Variants in SYVN1 observed in about 807,000 individuals in gnomAD.
SYVN1 encodes the protein synoviolin 1.
SYVN1 carries 17 observed loss-of-function variants against 62.6 expected under a neutral mutation model. The observed-to-expected ratio is 0.27, with a 90% CI of 0.19 to 0.41. The LOEUF (loss-of-function observed/expected upper bound fraction) is 0.41, where lower values mean the gene tolerates loss of function less well. SYVN1 is among the 10% of genes least tolerant of loss of function. SYVN1 has a pLI of 1.00. For synonymous variants in SYVN1, 316 were observed against 304.0 expected, an observed-to-expected ratio of 1.04 and a Z score of -0.41; for missense variants, 634 against 818.0, an observed-to-expected ratio of 0.78 and a Z score of 2.74.
chr11:65,128,124 A>G lies in SYVN1; in HGVS notation c.*258T>C. The stretch of plus-strand genomic sequence containing the variant: ...CTCAGAGGCTAAACCTTCTGCCTTC[A>G]TGGCCCCAGCAGAACACAGGGCTGA... On this transcript the variant is annotated 3_prime_UTR_variant, in exon 16 of 16. Coordinates refer to ENST00000377190, the MANE Select transcript of SYVN1 (RefSeq NM_172230.3). 1.7e-6 allele frequency: 1 copy of G among 576,884 alleles called. No individual in the cohort carries two copies. The highest frequency in any genetic ancestry group is 2.1e-5 in the South Asian group (1 of 47,190). 35.7% of individuals were successfully genotyped at this position (576,884 alleles called of 1,614,324 possible).
Position 65,129,776 on chromosome 11 carries a change from G to A in SYVN1, c.1548C>T (p.Ala516=), listed in dbSNP as rs1948150049. ...SLRNIHTLLD[A]AMLQINQYLT... is the part of the protein sequence containing the mutation. ...GGTACTGGTTGATCTGCAGCATGGC[G>A]GCGTCCAGCAGTGTGTGGATGTTAC... is the stretch of plus-strand genomic sequence containing the variant. The change falls in exon 14 of 16, where the codon GCC becomes GCT. Residue 516 remains alanine (A), a synonymous_variant. Coordinates refer to ENST00000377190, the MANE Select transcript of SYVN1 (RefSeq NM_172230.3). 4 of 1,614,262 alleles carry A rather than the reference G, an allele frequency of 2.5e-6. No individual in the cohort carries two copies. The highest frequency in any genetic ancestry group is 1.7e-5 in the Admixed American group (1 of 60,034).
Position 65,132,742 on chromosome 11 carries a change from G to A in SYVN1, c.417C>T (p.Cys139=). 3.1e-6 allele frequency: 5 copies of A among 1,614,078 alleles called. No individual in the cohort carries two copies. The highest frequency in any genetic ancestry group is 4.2e-6 in the Non-Finnish European group (5 of 1,179,998). Residue 139 remains cysteine (C), a synonymous_variant, in exon 5 of 16, where the codon TGC becomes TGT. Transcript: ENST00000377190. ...RSPNISWLFH[C]RIVSLMFLLG... ...CTGAATCTCACTCACAGACAATGCG[G>A]CAGTGAAAGAGCCAGGAGATGTTGG...
intron 8 of SYVN1, 21 bp downstream of exon 8, chr11:65,131,252 CG>C (rs1565347209): frequency 1.9e-6 from 3 of 1,613,736 alleles, no homozygotes; most frequent in East Asian, 2.2e-5. Flanking sequence ...TCAGGAGGAT[CG>C]GGGGACAGGG....
At position 65,129,979 on chromosome 11, in the gene SYVN1, ACCCAGAGAGTGG is replaced by A; in HGVS notation, c.1408+11_1408+22del. 1 of 1,598,212 alleles carries A rather than the reference ACCCAGAGAGTGG, an allele frequency of 6.3e-7. No homozygotes were observed. The highest frequency in any genetic ancestry group is 1.1e-5 in the South Asian group (1 of 89,706). On this transcript the variant is annotated intron_variant, in intron 13 of 15. Transcript: ENST00000377190. ...GACACCAACCTCACCCCCAAGAAGA[ACCCAGAGAGTGG>A]CCCAGCTTACCAAAGGGTGGAGGCA...
chr11:65,132,380 G>C (rs767391884), intron 5 of SYVN1, 29 bp from the exon 6 acceptor site: 5 of 1,500,706 alleles, frequency 3.3e-6, no homozygotes, highest in African/African-American at 1.4e-5. Context: ...ATGCAGGGTG[G>C]GGGGGTCAGC....
chr11:65,131,041 T>A lies in SYVN1; in HGVS notation c.825-5A>T, dbSNP rs540720194. The A allele has an allele frequency of 1.3e-5, 21 of 1,614,090 alleles. No individual in the cohort carries two copies. The African/African-American group carries it at 2.1e-4, about 16-fold the overall frequency. On this transcript the variant is annotated splice_region_variant and splice_polypyrimidine_tract_variant and intron_variant, in intron 9 of 15. Coordinates refer to ENST00000377190, the MANE Select transcript of SYVN1 (RefSeq NM_172230.3). ...TCTGGGGTGGCATCTGGATACCTGG[T>A]TAGGATGACAGGGGCTGTATCAGGT...
chr11:65,129,513 G>C (rs1053223838), intron 14 of SYVN1: 1 of 511,782 alleles, frequency 2.0e-6, no homozygotes, highest in Non-Finnish European at 3.5e-6. Flanking sequence ...GTCAGCTCTC[G>C]AATAAACATC....
At chr11:65,129,064 G>A in intron 14 of SYVN1, 1 of 236,768 alleles carries the variant, frequency 4.2e-6, no homozygotes, top group Non-Finnish European at 8.2e-6. Flanking sequence ...AGCCTGTGCT[G>A]TCACTGCTAG....
rs1351462194 is a variant in SYVN1, at chr11:65,133,242, A to G, written c.143T>C (p.Ile48Thr). 4 of 1,614,080 alleles carry G rather than the reference A, an allele frequency of 2.5e-6. No individual in the cohort carries two copies. Among genetic ancestry groups the G allele is most frequent in the Non-Finnish European group, 1.7e-6 (2 of 1,180,040 alleles). Residue 48 changes from isoleucine (I) to threonine (T), a missense_variant, in exon 3 of 16, where the codon ATC becomes ACC. Physicochemically the swap from Ile to Thr is moderately conservative, Grantham distance 89. Transcript: ENST00000377190. ...AAGGAAGACAAGGACAAAGGCCTGG[A>G]TGTACAGGACCTAGGAGTGGGGAGA... ...KSSPSMAVLY[I>T]QAFVLVFLLG...
chr11:65,128,017 T>C lies in SYVN1; in HGVS notation c.*365A>G. The C allele has an allele frequency of 2.7e-6, 1 of 368,902 alleles. No individual in the cohort carries two copies. Among genetic ancestry groups the C allele is most frequent in the Non-Finnish European group, 5.0e-6 (1 of 198,752 alleles). 22.9% of individuals were successfully genotyped at this position (368,902 alleles called of 1,614,324 possible). ...AACGGGAGCTAATACTGTTCGGCAC[T>C]GCAGTGTGACTCCGCACATACAAGT... On this transcript the variant is annotated 3_prime_UTR_variant, in exon 16 of 16. Transcript: ENST00000377190.
At chr11:65,132,138 C>T (rs747862303) in intron 6 of SYVN1, 110 bp downstream of exon 6, 5 of 842,882 alleles carry the variant, frequency 5.9e-6, no homozygotes, top group Non-Finnish European at 8.2e-6. Context: ...CCTTGGTGGC[C>T]AGCACAGGTT....
intron 5 of SYVN1, 93 bp downstream of exon 5, chr11:65,132,639 C>T (rs750270764): frequency 7.9e-6 from 11 of 1,390,748 alleles, no homozygotes; most frequent in Non-Finnish European, 1.1e-5. Context: ...AATTATCTTT[C>T]CTGTACAGCT....
At chr11:65,133,420 C>A (rs780939043) in intron 2 of SYVN1, 50 bp downstream of exon 2, 3 of 1,604,034 alleles carry the variant, frequency 1.9e-6, no homozygotes, top group Non-Finnish European at 2.6e-6. Context: ...CCCAGGCAGA[C>A]TCCTCCTTCC....
In SYVN1 at chr11:65,128,210, CA is replaced by C; in HGVS notation, c.*171del. The C allele has an allele frequency of 1.6e-6, 1 of 620,970 alleles. No homozygotes were observed. The highest frequency in any genetic ancestry group is 2.8e-6 in the Non-Finnish European group (1 of 353,078). 38.5% of individuals were successfully genotyped at this position (620,970 alleles called of 1,614,324 possible). On this transcript the variant is annotated 3_prime_UTR_variant, in exon 16 of 16. Transcript: ENST00000377190. ...CCCCATGGCTGCCTGGGACTGGAGT[CA>C]AATGGGAACCCCAGCCTCTTTCCAC...
Position 65,127,489 on chromosome 11 carries a change from C to T in SYVN1, c.*893G>A. On this transcript the variant is annotated 3_prime_UTR_variant, in exon 16 of 16. Transcript: ENST00000377190. ...TAAACTGGAAAGACCAGGAGTCTGG[C>T]ACTCCTGTTCCTCTTTCCCGGGATT... The T allele has an allele frequency of 6.2e-6, 1 of 160,572 alleles. No individual in the cohort carries two copies. The highest frequency in any genetic ancestry group is 1.4e-5 in the Non-Finnish European group (1 of 73,854). 9.9% of individuals were successfully genotyped at this position (160,572 alleles called of 1,614,324 possible).
chr11:65,132,367 C>A lies in SYVN1; in HGVS notation c.428-16G>T. The A allele has an allele frequency of 6.3e-7, 1 of 1,585,810 alleles. No homozygotes were observed. Among genetic ancestry groups the A allele is most frequent in the African/African-American group, 1.3e-5 (1 of 74,384 alleles). The stretch of plus-strand genomic sequence containing the variant: ...AACATAAGAGCTGTGGGGACCCCCA[C>A]ACATGCAGGGTGGGGGGGTCAGCCC... On this transcript the variant is annotated splice_polypyrimidine_tract_variant and intron_variant, in intron 5 of 15. Transcript: ENST00000377190.
chr11:65,129,897 A>G lies in SYVN1; in HGVS notation c.1427T>C (p.Val476Ala). ...PPPFAFPPMP[V>A]PPAGFAGLTP... is the part of the protein sequence containing the mutation. Reference sequence around the variant, plus strand: ...CAGCCCAGCAAAGCCCGCAGGGGGCACAGGCATTGGGGGGAAGGCTGGAGA... The same window carrying G: ...CAGCCCAGCAAAGCCCGCAGGGGGCGCAGGCATTGGGGGGAAGGCTGGAGA... Residue 476 changes from valine to alanine, a missense_variant, in exon 14 of 16, where the codon GTG becomes GCG. Val to Ala is a moderately conservative substitution (Grantham distance 64). Around this residue, in one of 2 missense-constraint regions of SYVN1, gnomAD observed 351 missense variants for 373.3 expected, o/e 0.94. Coordinates refer to ENST00000377190, the MANE Select transcript of SYVN1 (RefSeq NM_172230.3). 3 of 1,613,860 alleles carry G rather than the reference A, an allele frequency of 1.9e-6. No homozygotes were observed. Among genetic ancestry groups the G allele is most frequent in the Non-Finnish European group, 2.5e-6 (3 of 1,179,936 alleles).
Position 65,127,331 on chromosome 11 carries a change from T to G in SYVN1, c.*1051A>C, listed in dbSNP as rs191933579. On this transcript the variant is annotated 3_prime_UTR_variant, in exon 16 of 16. Coordinates refer to ENST00000377190, the MANE Select transcript of SYVN1 (RefSeq NM_172230.3). ...TATATACAATTTAAGCTATTAAAAT[T>G]TGTACAATATTTACAAATTAAATAA... is the stretch of plus-strand genomic sequence containing the variant. 2.6e-5 allele frequency: 10 copies of G among 383,256 alleles called. No individual in the cohort carries two copies. The Admixed American group carries it at 4.5e-4, about 17-fold the overall frequency. 23.7% of individuals were successfully genotyped at this position (383,256 alleles called of 1,614,324 possible). A position where few individuals can be genotyped will look rare whatever the true frequency, so the allele number is the denominator to read the frequency against.
chr11:65,131,494 T>C lies in SYVN1; in HGVS notation c.634A>G (p.Met212Val), dbSNP rs770125618. ...ENPWDNKAVY[M>V]LYTELFTGFI... is the part of the protein sequence containing the mutation. ...CCTGTAAACAGCTCTGTGTAGAGCATGTACACAGCCTTGTTGTCCCAGGGG... is the reference window on the plus strand; with the variant it reads ...CCTGTAAACAGCTCTGTGTAGAGCACGTACACAGCCTTGTTGTCCCAGGGG... The change falls in exon 7 of 16, where the codon ATG becomes GTG. Residue 212 changes from methionine (M) to valine (V), a missense_variant. Met to Val is a conservative substitution (Grantham distance 21). Transcript: ENST00000377190. 2.9e-5 allele frequency: 47 copies of C among 1,613,892 alleles called. No individual in the cohort carries two copies. The highest frequency in any genetic ancestry group is 3.7e-5 in the Non-Finnish European group (44 of 1,179,970).
Sources: allele counts gnomAD v4.1 joint callset, GRCh38; gene constraint gnomAD v4.1.1; regional missense constraint gnomAD v4.1.1; transcripts MANE v1.5; gene names NCBI Gene and HGNC (gene_info 2026-07-23, HGNC 2026-07-21).